The following CNOT6L variants were observed in gnomAD, a reference collection of about 807,000 sequenced individuals.
The protein encoded by CNOT6L is CCR4-NOT transcription complex subunit 6 like.
In CNOT6L, 7 loss-of-function variants were observed where a neutral mutation model predicts 64.0. That is an observed-to-expected ratio of 0.11 (90% CI 0.06 to 0.21). The LOEUF is 0.21. Among genes scored for constraint, CNOT6L ranks in the 10% least tolerant of loss-of-function variants. CNOT6L has a pLI of 1.00. For missense variants in CNOT6L, 245 were observed against 669.0 expected (o/e 0.37, Z 6.99); for synonymous variants, 193 against 243.4 (o/e 0.79, Z 1.93).
chr4:77,729,360 A>T (rs1163895201), intron 9 of CNOT6L, among the ~76,000 whole-genome samples: 1 of 152,184 alleles, frequency 6.6e-6, no homozygotes, highest in Non-Finnish European at 1.5e-5. Context: ...AATATCTGTC[A>T]TTTAAATAGC....
In CNOT6L at chr4:77,756,884, G is replaced by C. The variant is rs1046954839; in HGVS notation, c.468C>G (p.Asn156Lys). ...TACCTGCGAGATTGTCAAGCATGAA[G>C]TTCAGTAGCTTTCGGGTTCCATCTG... ...QDPDGTRKLL[N>K]FMLDNLAVHP... The change falls in exon 5 of 12, where the codon AAC becomes AAG. Residue 156 changes from asparagine to lysine, a missense_variant. Asn to Lys is a moderately conservative substitution (Grantham distance 94, BLOSUM62 0). This residue lies in a region of CNOT6L where 94 missense variants were observed against 290.9 expected (regional missense o/e 0.32). Coordinates refer to ENST00000504123, the MANE Select transcript of CNOT6L (RefSeq NM_144571.3). The C allele has an allele frequency of 1.2e-6, 2 of 1,608,606 alleles. No homozygotes were observed. Among genetic ancestry groups the C allele is most frequent in the Non-Finnish European group, 1.7e-6 (2 of 1,176,474 alleles).
At chr4:77,818,448 A>T (rs1733814919) in intron 1 of CNOT6L, among the ~76,000 whole-genome samples, 1 of 146,298 alleles carries the variant, frequency 6.8e-6, no homozygotes, top group Non-Finnish European at 1.5e-5. Context: ...TTGTCTAATT[A>T]AAAAAAAAAA....
intron 1 of CNOT6L, among the ~76,000 whole-genome samples, chr4:77,806,434 A>C (rs983727024): frequency 2.0e-5 from 3 of 152,208 alleles, no homozygotes; most frequent in African/African-American, 7.2e-5. Context: ...TCAAAAAAAA[A>C]AAAAGATTAA....
chr4:77,789,402 A>G (rs1197188437), intron 1 of CNOT6L, among the ~76,000 whole-genome samples: 2 of 152,062 alleles, frequency 1.3e-5, no homozygotes, highest in Admixed American at 6.6e-5. Context: ...CCAAAGGGGA[A>G]AAAAAAGTCA....
intron 1 of CNOT6L, among the ~76,000 whole-genome samples, chr4:77,792,246 A>G (rs1730237176): frequency 6.6e-6 from 1 of 152,168 alleles, no homozygotes. Flanking sequence ...GGTGCTGTTA[A>G]CCACCGATAA....
intron 1 of CNOT6L, among the ~76,000 whole-genome samples, chr4:77,797,086 G>A (rs1246136063): frequency 1.1e-5 from 1 of 93,658 alleles, no homozygotes; most frequent in Non-Finnish European, 1.9e-5. Context: ...CAGCCTGACA[G>A]AGGAAGACCT....
At chr4:77,788,307 T>C (rs1322350910) in intron 1 of CNOT6L, among the ~76,000 whole-genome samples, 2 of 152,180 alleles carry the variant, frequency 1.3e-5, no homozygotes, top group Non-Finnish European at 2.9e-5. Context: ...CTGTACATTA[T>C]ACAAGACAAA....
intron 1 of CNOT6L, among the ~76,000 whole-genome samples, chr4:77,790,704 C>CA: frequency 6.6e-6 from 1 of 150,714 alleles, no homozygotes; most frequent in Non-Finnish European, 1.5e-5. Flanking sequence ...ACTTTCCCCA[C>CA]TTTTTTTTTA....
intron 4 of CNOT6L, among the ~76,000 whole-genome samples, chr4:77,766,221 T>C (rs565258102): frequency 1.3e-5 from 2 of 152,306 alleles, no homozygotes; most frequent in East Asian, 1.9e-4. Context: ...TATATGTATA[T>C]ATATATTTTA....
chr4:77,756,782 C>A, intron 5 of CNOT6L, 80 bp downstream of exon 5: 1 of 824,826 alleles, frequency 1.2e-6, no homozygotes, highest in South Asian at 1.8e-5. Flanking sequence ...AAAAAACAGT[C>A]AGATGCTCTT....
intron 1 of CNOT6L, among the ~76,000 whole-genome samples, chr4:77,812,615 G>A (rs1733088733): frequency 6.6e-6 from 1 of 151,638 alleles, no homozygotes. Context: ...GGGAAGAAAT[G>A]CAGCAACAGA....
At chr4:77,795,988 CCTTTT>C (rs1468717644) in intron 1 of CNOT6L, among the ~76,000 whole-genome samples, 1 of 151,696 alleles carries the variant, frequency 6.6e-6, no homozygotes, top group Non-Finnish European at 1.5e-5. Context: ...TTTTTTCTTT[CCTTTT>C]ATCTTTAATA....
intron 5 of CNOT6L, 134 bp downstream of exon 5, chr4:77,756,728 G>A (rs1353202421): frequency 1.3e-5 from 7 of 540,020 alleles, no homozygotes; most frequent in East Asian, 3.0e-5. Flanking sequence ...TTCCACTAAC[G>A]TAGGATATAC....
intron 4 of CNOT6L, among the ~76,000 whole-genome samples, chr4:77,763,645 T>C (rs1726489751): frequency 6.6e-6 from 1 of 152,096 alleles, no homozygotes; most frequent in East Asian, 1.9e-4. Flanking sequence ...AACTTACAAA[T>C]TGAACTAATG....
At chr4:77,792,900 G>A (rs1020894017) in intron 1 of CNOT6L, among the ~76,000 whole-genome samples, 10 of 151,224 alleles carry the variant, frequency 6.6e-5, no homozygotes, top group African/African-American at 1.9e-4. Flanking sequence ...GAGACATTTG[G>A]CAATGTTTAG....
At position 77,716,810 on chromosome 4, in the gene CNOT6L, T is replaced by G. The variant is rs1720795125; in HGVS notation, c.*3621A>C. 6.6e-6 allele frequency: 1 copy of G among 152,574 alleles called. No homozygotes were observed. Among genetic ancestry groups the G allele is most frequent in the South Asian group, 2.1e-4 (1 of 4,832 alleles). The allele number at this position is 152,574 out of a possible 1,614,324, so 9.5% of individuals were successfully genotyped here. On this transcript the variant is annotated 3_prime_UTR_variant, in exon 12 of 12. Transcript: ENST00000504123. ...AAAACACAGTGGCTTCTTTAATACA[T>G]TCACACAGGATGCTAATTAGTAAAA...
chr4:77,779,059 AAAACAAAAAAAAAAC>A (rs1728515694), intron 1 of CNOT6L, among the ~76,000 whole-genome samples: 2 of 97,122 alleles, frequency 2.1e-5, no homozygotes, highest in Non-Finnish European at 4.6e-5. Flanking sequence ...AAAAAAAAAA[AAAACAAAAAAAAAAC>A]ACAAAAAACA....
At chr4:77,810,365 A>G (rs1372191893) in intron 1 of CNOT6L, among the ~76,000 whole-genome samples, 5 of 152,196 alleles carry the variant, frequency 3.3e-5, no homozygotes, top group African/African-American at 1.2e-4. Context: ...AATTATAAAG[A>G]AAACTTGTAA....
chr4:77,777,443 T>G (rs1217215970), intron 1 of CNOT6L, among the ~76,000 whole-genome samples: 1 of 152,170 alleles, frequency 6.6e-6, no homozygotes, highest in Non-Finnish European at 1.5e-5. Flanking sequence ...CAGCTAGACA[T>G]AAAACTCATC....
Sources: allele counts gnomAD v4.1 joint callset (sites outside exome capture counted in the v4.1 genomes callset), GRCh38; gene constraint gnomAD v4.1.1; regional missense constraint gnomAD v4.1.1; transcripts MANE v1.5; gene names NCBI Gene and HGNC (gene_info 2026-07-23, HGNC 2026-07-21).